Variants in HIVEP2 observed in about 807,000 individuals in gnomAD.
The protein encoded by HIVEP2 is HIVEP zinc finger 2.
In HIVEP2, 14 loss-of-function variants were observed where a neutral mutation model predicts 180.7. That is an observed-to-expected ratio of 0.08 (90% CI 0.05 to 0.12). The LOEUF (loss-of-function observed/expected upper bound fraction) is 0.12. Ranked by LOEUF, HIVEP2 falls within the 10% of genes least tolerant of loss-of-function variation. HIVEP2 has a pLI of 1.00. For synonymous variants in HIVEP2, 1,184 were observed against 1,136.4 expected (o/e 1.04, Z -0.84); for missense variants, 2,579 against 3,008.5 (o/e 0.86, Z 3.34).
chr6:142,824,918 C>T (rs547970358), intron 2 of HIVEP2, among the ~76,000 whole-genome samples: 4 of 152,248 alleles, frequency 2.6e-5, no homozygotes, highest in South Asian at 4.1e-4. Context: ...TTTCCCTACC[C>T]GACACTAAAA....
intron 1 of HIVEP2, among the ~76,000 whole-genome samples, chr6:142,889,920 T>C (rs1776812178): frequency 6.6e-6 from 1 of 152,212 alleles, no homozygotes; most frequent in Non-Finnish European, 1.5e-5. Context: ...TTTTCAATTT[T>C]AATTAATTTA....
At chr6:142,788,556 T>C (rs1232182424) in intron 2 of HIVEP2, 2 of 151,990 alleles carry the variant, frequency 1.3e-5, no homozygotes, top group African/African-American at 4.8e-5. Context: ...CTACTAAAAA[T>C]ACAAAAATTA....
intron 2 of HIVEP2, among the ~76,000 whole-genome samples, chr6:142,813,926 CT>C (rs1293844713): frequency 1.3e-5 from 2 of 151,984 alleles, no homozygotes; most frequent in East Asian, 3.9e-4. Context: ...ATTTTATTGA[CT>C]TTCTAGCAGA....
At chr6:142,787,571 A>AG (rs958888823) in intron 2 of HIVEP2, among the ~76,000 whole-genome samples, 8 of 151,440 alleles carry the variant, frequency 5.3e-5, no homozygotes, top group South Asian at 2.1e-4. Context: ...CTCTACAAAA[A>AG]AAAAAAAAAA....
At chr6:142,912,022 T>A (rs1039038097) in intron 1 of HIVEP2, among the ~76,000 whole-genome samples, 1 of 152,252 alleles carries the variant, frequency 6.6e-6, no homozygotes, top group African/African-American at 2.4e-5. Flanking sequence ...AAGATAATTA[T>A]CTGAAATCTC....
chr6:142,779,105 T>C (rs1420428957), intron 3 of HIVEP2, among the ~76,000 whole-genome samples: 1 of 152,198 alleles, frequency 6.6e-6, no homozygotes, highest in Non-Finnish European at 1.5e-5. Flanking sequence ...TCATTACTTT[T>C]ATTTTTAGAG....
At chr6:142,849,810 C>T (rs57971403) in intron 1 of HIVEP2, among the ~76,000 whole-genome samples, 12 of 152,066 alleles carry the variant, frequency 7.9e-5, no homozygotes, top group South Asian at 6.2e-4. Flanking sequence ...TGAGCCACCA[C>T]GCCTGGCCTA....
rs56853043 is a variant in HIVEP2 at position 142,859,834 on chromosome 6, CAAAAAAAAA to C, written c.-640-22796_-640-22788del. 6.8e-5 allele frequency among the ~76,000 whole-genome samples: 5 copies of C among 73,612 alleles called. 1 individual carries two copies. The highest frequency in any genetic ancestry group is 6.7e-4 in the Admixed American group (4 of 5,976). 48.3% of individuals were successfully genotyped at this position (73,612 alleles called of 152,430 possible). On this transcript the variant is annotated intron_variant, in intron 1 of 9. Transcript: ENST00000367603. ...GGGCAATAAGAGTGAAACTCCGTCT[CAAAAAAAAA>C]AAAAAAAAAAAGGAAAGAAAGAAAG... is the stretch of plus-strand genomic sequence containing the variant.
intron 1 of HIVEP2, among the ~76,000 whole-genome samples, chr6:142,881,138 C>A (rs763394433): frequency 1.3e-5 from 2 of 152,114 alleles, no homozygotes; most frequent in Non-Finnish European, 2.9e-5. Context: ...GAAATAAATT[C>A]TTTATTGGAC....
chr6:142,795,037 G>A (rs1486712993), intron 2 of HIVEP2, among the ~76,000 whole-genome samples: 1 of 152,012 alleles, frequency 6.6e-6, no homozygotes, highest in Non-Finnish European at 1.5e-5. Context: ...AAGAGTGTGT[G>A]TTTGGAACTC....
At position 142,752,103 on chromosome 6, in the gene HIVEP2, C is replaced by T. The variant is rs1302312456; in HGVS notation, c.*1004G>A. Reference sequence around the variant, plus strand: ...CTCTACACAGTCCCATGTGCTTTGTCACCTTAATTTTTTAAAGACACCTAG... The same window carrying T: ...CTCTACACAGTCCCATGTGCTTTGTTACCTTAATTTTTTAAAGACACCTAG... On this transcript the variant is annotated 3_prime_UTR_variant, in exon 10 of 10. Transcript: ENST00000367603. The T allele has an allele frequency of 3.3e-5, 5 of 152,624 alleles. No individual in the cohort carries two copies. Among genetic ancestry groups the T allele is most frequent in the African/African-American group, 1.2e-4 (5 of 41,442 alleles). The allele number at this position is 152,624 out of a possible 1,614,324, so 9.5% of individuals were successfully genotyped here.
chr6:142,832,145 T>C (rs1473818814), intron 2 of HIVEP2, among the ~76,000 whole-genome samples: 2 of 151,374 alleles, frequency 1.3e-5, no homozygotes, highest in Non-Finnish European at 2.9e-5. Context: ...TGAGCCGAGA[T>C]TGTGCCACTG....
At chr6:142,898,610 T>C (rs1777057703) in intron 1 of HIVEP2, among the ~76,000 whole-genome samples, 1 of 152,042 alleles carries the variant, frequency 6.6e-6, no homozygotes. Flanking sequence ...TGCAGTGAGG[T>C]CACACTACTG....
chr6:142,832,411 T>C (rs114104452), intron 2 of HIVEP2, among the ~76,000 whole-genome samples: 1,811 of 152,236 alleles, frequency 0.012, 28 homozygotes, highest in African/African-American at 0.038. Context: ...CAAAAATGCA[T>C]ACAAAAAGTG....
At chr6:142,891,775 G>T (rs1470261851) in intron 1 of HIVEP2, among the ~76,000 whole-genome samples, 4 of 152,206 alleles carry the variant, frequency 2.6e-5, no homozygotes, top group African/African-American at 9.6e-5. Flanking sequence ...CAACATCGCT[G>T]AGACACGGCC....
intron 2 of HIVEP2, among the ~76,000 whole-genome samples, chr6:142,806,078 T>C (rs1229241158): frequency 6.6e-6 from 1 of 152,136 alleles, no homozygotes; most frequent in Admixed American, 6.5e-5. Context: ...TCATCATCAA[T>C]ACCAATACCT....
chr6:142,924,341 G>C (rs1348962247), intron 1 of HIVEP2, among the ~76,000 whole-genome samples: 2 of 152,142 alleles, frequency 1.3e-5, no homozygotes, highest in Non-Finnish European at 2.9e-5. Context: ...CCCGTGCTCT[G>C]AGCAACTACT....
chr6:142,812,216 A>C (rs1776717841), intron 2 of HIVEP2, among the ~76,000 whole-genome samples: 1 of 152,246 alleles, frequency 6.6e-6, no homozygotes, highest in Non-Finnish European at 1.5e-5. Flanking sequence ...TATTCAGTTG[A>C]GTACTGATTG....
intron 1 of HIVEP2, among the ~76,000 whole-genome samples, chr6:142,901,564 G>T (rs1364970760): frequency 6.6e-6 from 1 of 151,778 alleles, no homozygotes; most frequent in African/African-American, 2.4e-5. Context: ...TGTCTATGCT[G>T]CCCCTCCTTT....
Sources: gnomAD v4.1 joint callset for allele counts (sites outside exome capture counted in the v4.1 genomes callset) on GRCh38, gnomAD v4.1.1 for gene constraint, MANE v1.5 for transcripts, NCBI Gene and HGNC (gene_info 2026-07-23, HGNC 2026-07-21) for gene names.